The following TMEM45B variants were observed in gnomAD, a reference collection of about 807,000 sequenced individuals.
The protein encoded by TMEM45B is transmembrane protein 45B.
A neutral mutation model predicts 27.3 loss-of-function variants in TMEM45B; 29 were observed. That is an observed-to-expected ratio of 1.06 (90% CI 0.79 to 1.45). TMEM45B has a LOEUF of 1.45. Among genes scored for constraint, TMEM45B ranks in the 40% most tolerant of loss-of-function variants. The pLI, the probability that TMEM45B is intolerant of heterozygous loss-of-function variation, is 0.00. For synonymous variants in TMEM45B, 143 were observed against 134.7 expected (o/e 1.06, Z -0.43); for missense variants, 348 against 343.9 (o/e 1.01, Z -0.09).
At chr11:129,837,069 G>A (rs989177372) in intron 1 of TMEM45B, among the ~76,000 whole-genome samples, 1 of 152,152 alleles carries the variant, frequency 6.6e-6, no homozygotes, top group Non-Finnish European at 1.5e-5. Flanking sequence ...GCAATGCCGA[G>A]GCTGTGAGAT....
chr11:129,855,775 G>C lies in TMEM45B; in HGVS notation c.453G>C (p.Leu151=). The part of the protein sequence containing the change: ...PLDQHIHSLL[L]YALFGGCVSI... ...ACCAGCACATCCACTCACTCCTGCT[G>C]TATGCTCTGTTCGGAGGGTGTGTTA... is the stretch of plus-strand genomic sequence containing the variant. The change falls in exon 4 of 6, where the codon CTG becomes CTC. Residue 151 remains leucine, a synonymous_variant. Coordinates refer to ENST00000281441, the MANE Select transcript of TMEM45B (RefSeq NM_138788.5). 1 of 1,614,156 alleles carries C rather than the reference G, an allele frequency of 6.2e-7. No homozygotes were observed. The highest frequency in any genetic ancestry group is 8.5e-7 in the Non-Finnish European group (1 of 1,180,026).
chr11:129,820,699 C>A (rs1351963046), intron 1 of TMEM45B, among the ~76,000 whole-genome samples: 1 of 152,112 alleles, frequency 6.6e-6, no homozygotes, highest in Non-Finnish European at 1.5e-5. Context: ...TATTTTATTT[C>A]TGTTAGCTTT....
intron 1 of TMEM45B, 64 bp downstream of exon 1, chr11:129,815,962 C>T (rs1947345154): frequency 1.6e-6 from 2 of 1,258,662 alleles, no homozygotes; most frequent in South Asian, 6.8e-5. Context: ...GAGGGGGCCC[C>T]GCCAAGGAGC....
chr11:129,852,400 T>C, intron 1 of TMEM45B, 75 bp from the exon 2 acceptor site: 3 of 1,333,336 alleles, frequency 2.3e-6, no homozygotes, highest in East Asian at 4.7e-5. Flanking sequence ...CAGGCACGTA[T>C]TGTGTTTCCT....
intron 1 of TMEM45B, among the ~76,000 whole-genome samples, chr11:129,831,969 G>A (rs912960454): frequency 5.3e-5 from 8 of 149,782 alleles, no homozygotes; most frequent in Non-Finnish European, 1.5e-5. Flanking sequence ...AGGAGGCTGA[G>A]GCAGGAGAAT....
intron 1 of TMEM45B, among the ~76,000 whole-genome samples, chr11:129,837,938 T>G (rs1312815931): frequency 6.6e-6 from 1 of 151,808 alleles, no homozygotes; most frequent in Non-Finnish European, 1.5e-5. Context: ...CCCGCCACCA[T>G]GCCCAGCTAA....
At position 129,826,288 on chromosome 11, in the gene TMEM45B, G is replaced by A. The variant is rs561947530; in HGVS notation, c.-9+10390G>A. Among the ~76,000 whole-genome samples, 18 of 152,190 alleles carry A rather than the reference G, an allele frequency of 1.2e-4. No individual in the cohort carries two copies. The East Asian group carries it at 1.6e-3, about 13-fold the overall frequency. On this transcript the variant is annotated intron_variant, in intron 1 of 5. Coordinates refer to ENST00000281441, the MANE Select transcript of TMEM45B (RefSeq NM_138788.5). ...AAAGAGGCCGGGCGCGGTGGCTCACGCCTGTAATCCCAGCACTTTGGGAGG... is the reference window on the plus strand; with the variant it reads ...AAAGAGGCCGGGCGCGGTGGCTCACACCTGTAATCCCAGCACTTTGGGAGG...
intron 1 of TMEM45B, among the ~76,000 whole-genome samples, chr11:129,829,189 A>C (rs1368937706): frequency 3.3e-5 from 5 of 152,228 alleles, no homozygotes; most frequent in African/African-American, 1.2e-4. Context: ...CTGACACTAC[A>C]TAGTTCATAT....
chr11:129,852,771 C>A, intron 2 of TMEM45B, 111 bp downstream of exon 2: 1 of 1,163,276 alleles, frequency 8.6e-7, no homozygotes, highest in Non-Finnish European at 1.2e-6. Flanking sequence ...GATAATAGGG[C>A]AACAATTTCC....
intron 3 of TMEM45B, among the ~76,000 whole-genome samples, chr11:129,855,341 T>C (rs1947907215): frequency 6.6e-6 from 1 of 151,712 alleles, no homozygotes; most frequent in African/African-American, 2.4e-5. Context: ...GACTGGGGTA[T>C]GAAAATACAT....
chr11:129,850,442 G>C (rs1459111586), intron 1 of TMEM45B: 1 of 152,268 alleles, frequency 6.6e-6, no homozygotes, highest in East Asian at 1.9e-4. Flanking sequence ...TGGGATTACA[G>C]GCGTGAGCCA....
chr11:129,833,315 C>T (rs1420096197), intron 1 of TMEM45B, among the ~76,000 whole-genome samples: 8 of 151,596 alleles, frequency 5.3e-5, no homozygotes, highest in Non-Finnish European at 1.0e-4. Context: ...TAACATATGG[C>T]GTTATGGGCA....
At chr11:129,841,593 T>TTG (rs1269344927) in intron 1 of TMEM45B, among the ~76,000 whole-genome samples, 3 of 63,598 alleles carry the variant, frequency 4.7e-5, no homozygotes, top group East Asian at 1.4e-3. Context: ...TGTTTTTTTG[T>TTG]TTTTTTTTTT....
chr11:129,825,019 G>A (rs1279691029), intron 1 of TMEM45B, among the ~76,000 whole-genome samples: 1 of 152,164 alleles, frequency 6.6e-6, no homozygotes, highest in African/African-American at 2.4e-5. Context: ...CCAATGCAAG[G>A]GGACGTGGAC....
At chr11:129,842,575 A>G (rs572683215) in intron 1 of TMEM45B, among the ~76,000 whole-genome samples, 38 of 152,300 alleles carry the variant, frequency 2.5e-4, no homozygotes, top group African/African-American at 8.2e-4. Context: ...TGCTGGAAAA[A>G]CTGGATATCC....
In TMEM45B at chr11:129,858,743, CCCCTCCACCTGAATG is replaced by C; in HGVS notation, c.*61_*75del. 7.9e-7 allele frequency: 1 copy of C among 1,266,578 alleles called. No homozygotes were observed. Among genetic ancestry groups the C allele is most frequent in the Non-Finnish European group, 1.1e-6 (1 of 896,434 alleles). 78.5% of individuals were successfully genotyped at this position (1,266,578 alleles called of 1,614,324 possible). On this transcript the variant is annotated 3_prime_UTR_variant, in exon 6 of 6. Coordinates refer to ENST00000281441, the MANE Select transcript of TMEM45B (RefSeq NM_138788.5). ...CACAGCTGGAATGAATGGAGTTCAT[CCCCTCCACCTGAATG>C]CCTGCTGTGGTCTGATCTTAAGGGT... is the stretch of plus-strand genomic sequence containing the variant.
chr11:129,859,758 G>A lies in TMEM45B; in HGVS notation c.*1073G>A, dbSNP rs1947982982. ...TGGCATGAACCCGGTAGGGGAGCTT[G>A]CAGTGAGCCCAGATCATGCCACTGT... On this transcript the variant is annotated 3_prime_UTR_variant, in exon 6 of 6. Coordinates refer to ENST00000281441, the MANE Select transcript of TMEM45B (RefSeq NM_138788.5). The A allele has an allele frequency of 6.6e-6, 1 of 152,204 alleles. No individual in the cohort carries two copies. The highest frequency in any genetic ancestry group is 1.5e-5 in the Non-Finnish European group (1 of 68,066). 9.4% of individuals were successfully genotyped at this position (152,204 alleles called of 1,614,324 possible). A position where few individuals can be genotyped will look rare whatever the true frequency, so the allele number is the denominator to read the frequency against.
At chr11:129,844,896 T>C (rs1375508808) in intron 1 of TMEM45B, among the ~76,000 whole-genome samples, 1 of 152,122 alleles carries the variant, frequency 6.6e-6, no homozygotes, top group African/African-American at 2.4e-5. Context: ...TATTTGTCAA[T>C]TATACCGCAA....
At chr11:129,858,224 G>A (rs542402165) in intron 5 of TMEM45B, among the ~76,000 whole-genome samples, 11 of 152,120 alleles carry the variant, frequency 7.2e-5, no homozygotes, top group Non-Finnish European at 8.8e-5. Context: ...TATTAGGTTG[G>A]TGCAAAAGTA....
Sources: gnomAD v4.1 joint callset for allele counts (sites outside exome capture counted in the v4.1 genomes callset) on GRCh38, gnomAD v4.1.1 for gene constraint, MANE v1.5 for transcripts, NCBI Gene and HGNC (gene_info 2026-07-23, HGNC 2026-07-21) for gene names.